Variants in ZNF654 observed in about 807,000 individuals in gnomAD.
ZNF654 encodes the protein melanoma-associated antigen.
In ZNF654, 19 loss-of-function variants were observed where a neutral mutation model predicts 95.3. The observed-to-expected ratio is 0.20, with a 90% CI of 0.14 to 0.29. The LOEUF is 0.29. Ranked by LOEUF, ZNF654 falls within the 10% of genes least tolerant of loss-of-function variation. The pLI, the probability that ZNF654 is intolerant of heterozygous loss-of-function variation, is 1.00. For missense variants in ZNF654, 1,046 were observed against 1,341.0 expected, an observed-to-expected ratio of 0.78 and a Z score of 3.44; for synonymous variants, 413 against 457.9, an observed-to-expected ratio of 0.90 and a Z score of 1.25.
At chr3:88,076,628 A>G (rs1210165506) in intron 1 of ZNF654, among the ~76,000 whole-genome samples, 3 of 152,158 alleles carry the variant, frequency 2.0e-5, no homozygotes, top group Non-Finnish European at 2.9e-5. Context: ...AGCATACCTC[A>G]TCCTAGAGTT....
chr3:88,082,456 G>A (rs1055028508), intron 1 of ZNF654, among the ~76,000 whole-genome samples: 2 of 152,172 alleles, frequency 1.3e-5, no homozygotes, highest in Admixed American at 6.5e-5. Context: ...GGCTGGATTC[G>A]CTGTAAACAA....
chr3:88,059,399 C>T lies in ZNF654; in HGVS notation c.80C>T (p.Pro27Leu), dbSNP rs1478978806. The T allele has an allele frequency of 3.9e-6, 6 of 1,533,744 alleles. No individual in the cohort carries two copies. Among genetic ancestry groups the T allele is most frequent in the African/African-American group, 1.4e-5 (1 of 72,748 alleles). ...LVAIVESPLG[P>L]VGLRAAGDGR... is the part of the protein sequence containing the mutation. ...GCCATTGTGGAGTCCCCGCTGGGCC[C>T]TGTGGGGCTTAGAGCTGCGGGCGAC... Residue 27 changes from proline to leucine, a missense_variant, in exon 1 of 9, where the codon CCT (proline) becomes CTT (leucine). Pro to Leu is a moderately conservative substitution (Grantham distance 98, BLOSUM62 -3). Around this residue, in one of 9 missense-constraint regions of ZNF654, gnomAD observed 89 missense variants for 77.9 expected, o/e 1.14. Transcript: ENST00000636215.
chr3:88,085,575 A>G (rs780497410), intron 1 of ZNF654, among the ~76,000 whole-genome samples: 6 of 152,332 alleles, frequency 3.9e-5, no homozygotes, highest in Non-Finnish European at 7.3e-5. Context: ...CATTCTTGCA[A>G]CATAGCAATT....
chr3:88,109,075 G>T (rs150586785), intron 2 of ZNF654, among the ~76,000 whole-genome samples: 1 of 151,568 alleles, frequency 6.6e-6, no homozygotes, highest in African/African-American at 2.4e-5. Context: ...GGTGCTATCC[G>T]TGGTTTCAAG....
Position 88,138,794 on chromosome 3 carries a change from A to G in ZNF654, c.1125A>G (p.Leu375=). 1 of 1,232,056 alleles carries G rather than the reference A, an allele frequency of 8.1e-7. No homozygotes were observed. Among genetic ancestry groups the G allele is most frequent in the East Asian group, 3.2e-5 (1 of 31,686 alleles). 76.3% of individuals were successfully genotyped at this position (1,232,056 alleles called of 1,614,324 possible). A position where few individuals can be genotyped will look rare whatever the true frequency, so the allele number is the denominator to read the frequency against. Residue 375 remains leucine (L), a synonymous_variant, in exon 8 of 9, where the codon CTA becomes CTG. Coordinates refer to ENST00000636215, the MANE Select transcript of ZNF654 (RefSeq NM_001350134.2). The stretch of plus-strand genomic sequence containing the variant: ...ATGATGATCCCAAAACTAAATGTCT[A>G]ATTTATAAAACAATTGCACATTTTT... The part of the protein sequence containing the change: ...DLHDDPKTKC[L]IYKTIAHFLP...
chr3:88,134,804 TG>T (rs915905755), intron 6 of ZNF654, among the ~76,000 whole-genome samples: 2 of 152,098 alleles, frequency 1.3e-5, no homozygotes, highest in African/African-American at 4.8e-5. Flanking sequence ...GATCTGATAC[TG>T]GAGACATCTT....
Position 88,060,712 on chromosome 3 carries a change from ATAAAGT to A in ZNF654, c.186+1211_186+1216del, listed in dbSNP as rs553164307. ...ATTTCGTTCTGATAACAAGTAGGAA[ATAAAGT>A]TAATGAGAAATGGACATCATGTTTG... On this transcript the variant is annotated intron_variant, in intron 1 of 8. Transcript: ENST00000636215. Among the ~76,000 whole-genome samples the A allele has an allele frequency of 6.8e-4, 104 of 152,344 alleles. 1 individual carries two copies. The highest frequency in any genetic ancestry group is 2.2e-3 in the African/African-American group (93 of 41,588).
chr3:88,141,174 C>T (rs774362780), intron 8 of ZNF654, 126 bp downstream of exon 8: 1 of 1,096,414 alleles, frequency 9.1e-7, no homozygotes, highest in African/African-American at 1.6e-5. Context: ...AGCATTACTC[C>T]ATACATTATT....
At chr3:88,132,411 T>A (rs965192405) in intron 6 of ZNF654, among the ~76,000 whole-genome samples, 1 of 152,164 alleles carries the variant, frequency 6.6e-6, no homozygotes, top group African/African-American at 2.4e-5. Flanking sequence ...ACACATTGAA[T>A]AAAGGAAAAC....
chr3:88,073,824 T>C (rs1576207096), intron 1 of ZNF654, among the ~76,000 whole-genome samples: 2 of 151,288 alleles, frequency 1.3e-5, no homozygotes, highest in Admixed American at 1.3e-4. Flanking sequence ...CTTGAGTATA[T>C]TTATCCCTAT....
chr3:88,065,009 T>A (rs1707113086), intron 1 of ZNF654, among the ~76,000 whole-genome samples: 1 of 152,260 alleles, frequency 6.6e-6, no homozygotes, highest in African/African-American at 2.4e-5. Context: ...GATAATTTTT[T>A]AATTGCATTG....
intron 5 of ZNF654, 130 bp from the exon 6 acceptor site, chr3:88,129,557 A>G (rs1706326167): frequency 2.9e-6 from 2 of 696,288 alleles, no homozygotes; most frequent in African/African-American, 1.8e-5. Flanking sequence ...ATTTCTGTAC[A>G]AGTCATCATT....
At chr3:88,083,545 C>T (rs1315242727) in intron 1 of ZNF654, among the ~76,000 whole-genome samples, 2 of 152,120 alleles carry the variant, frequency 1.3e-5, no homozygotes, top group Non-Finnish European at 2.9e-5. Flanking sequence ...TTGCTTCTGT[C>T]ATCAGTGTTC....
intron 4 of ZNF654, among the ~76,000 whole-genome samples, chr3:88,128,554 A>T (rs549237094): frequency 6.6e-6 from 1 of 152,174 alleles, no homozygotes; most frequent in East Asian, 1.9e-4. Context: ...TTTTTTTTAA[A>T]TTTTGTTTCT....
chr3:88,077,834 C>T (rs6551268), intron 1 of ZNF654, among the ~76,000 whole-genome samples: 119,174 of 152,114 alleles, frequency 0.78, 47,603 homozygotes, highest in South Asian at 0.91. Context: ...AATCATTTCT[C>T]AAAACCAAGG....
chr3:88,116,899 T>G (rs1705442990), intron 3 of ZNF654, among the ~76,000 whole-genome samples: 1 of 152,192 alleles, frequency 6.6e-6, no homozygotes, highest in African/African-American at 2.4e-5. Context: ...AGTAAAACAG[T>G]TCTCTGTTCT....
intron 2 of ZNF654, among the ~76,000 whole-genome samples, chr3:88,111,234 A>G (rs1705072563): frequency 6.6e-6 from 1 of 152,028 alleles, no homozygotes; most frequent in South Asian, 2.1e-4. Context: ...ATACTTATTA[A>G]TAGTAAAAAT....
intron 2 of ZNF654, among the ~76,000 whole-genome samples, chr3:88,100,018 A>G (rs568132324): frequency 3.3e-5 from 5 of 152,362 alleles, no homozygotes; most frequent in Non-Finnish European, 7.3e-5. Context: ...AAAAGAAACT[A>G]CCATCACAGT....
intron 6 of ZNF654, 32 bp downstream of exon 6, chr3:88,129,858 G>T (rs771744414): frequency 7.3e-7 from 1 of 1,379,228 alleles, no homozygotes; most frequent in South Asian, 1.7e-5. Flanking sequence ...AATTGAAATG[G>T]TAAGATGGGC....
Sources: allele counts gnomAD v4.1 joint callset (sites outside exome capture counted in the v4.1 genomes callset), GRCh38; gene constraint gnomAD v4.1.1; regional missense constraint gnomAD v4.1.1; transcripts MANE v1.5; gene names NCBI Gene and HGNC (gene_info 2026-07-23, HGNC 2026-07-21).